ANKRD18B: variants seen among roughly 807,000 people sequenced by gnomAD.
The protein encoded by ANKRD18B is ankyrin repeat domain-containing protein 18B.
ANKRD18B carries 75 observed loss-of-function variants against 111.8 expected under a neutral mutation model. That is an observed-to-expected ratio of 0.67 (90% CI 0.56 to 0.81). ANKRD18B has a LOEUF of 0.81. ANKRD18B is among the 40% of genes least tolerant of loss of function. The pLI is 0.00. For missense variants in ANKRD18B, 1,038 were observed against 1,225.5 expected (o/e 0.85, Z 2.28); for synonymous variants, 356 against 417.3 (o/e 0.85, Z 1.79).
At chr9:33,539,784 A>G (rs1252078064) in intron 7 of ANKRD18B, among the ~76,000 whole-genome samples, 1 of 151,644 alleles carries the variant, frequency 6.6e-6, no homozygotes. Flanking sequence ...TTGGCTGCAA[A>G]TACTGGAAGA....
At chr9:33,531,270 A>G (rs1828112514) in intron 3 of ANKRD18B, among the ~76,000 whole-genome samples, 1 of 152,154 alleles carries the variant, frequency 6.6e-6, no homozygotes, top group Admixed American at 6.5e-5. Flanking sequence ...TTTATTATGT[A>G]TATATCAGGG....
intron 14 of ANKRD18B, among the ~76,000 whole-genome samples, chr9:33,563,008 T>C (rs1686359362): frequency 6.6e-6 from 1 of 152,138 alleles, no homozygotes. Flanking sequence ...TGAGGGGAAA[T>C]TGTAAGGAGA....
In ANKRD18B at chr9:33,534,508, G is replaced by T. The variant is rs1437982983; in HGVS notation, c.740+1G>T. ...ATGCTTTTTGTTGTGATTTGAGAAG[G>T]TATGTGCTTATATTAAAAGACCGGT... On this transcript the variant is annotated splice_donor_variant, in intron 5 of 18. Transcript: ENST00000684830. LOFTEE classifies it high-confidence loss of function. The T allele has an allele frequency of 6.5e-7, 1 of 1,529,018 alleles. No homozygotes were observed. The highest frequency in any genetic ancestry group is 2.5e-5 in the East Asian group (1 of 40,726). The allele number at this position is 1,529,018 out of a possible 1,614,324, so 94.7% of individuals were successfully genotyped here. A position where few individuals can be genotyped will look rare whatever the true frequency, so the allele number is the denominator to read the frequency against.
At chr9:33,528,262 T>C (rs549455381) in intron 1 of ANKRD18B, among the ~76,000 whole-genome samples, 3 of 152,222 alleles carry the variant, frequency 2.0e-5, no homozygotes, top group Admixed American at 6.5e-5. Flanking sequence ...AAATACACCA[T>C]TGCACTCCAG....
rs776386261 is a variant in ANKRD18B at position 33,534,441 on chromosome 9, A to G, written c.674A>G (p.His225Arg). 10 of 1,551,334 alleles carry G rather than the reference A, an allele frequency of 6.4e-6. No homozygotes were observed. The highest frequency in any genetic ancestry group is 3.9e-5 in the Admixed American group (2 of 50,858). The change falls in exon 5 of 19, where the codon CAT becomes CGT. Residue 225 changes from histidine to arginine, a missense_variant. Physicochemically the swap from His to Arg is conservative, Grantham distance 29 (BLOSUM62 0). This residue lies in a region of ANKRD18B where 93 missense variants were observed against 141.3 expected (regional missense o/e 0.66). Transcript: ENST00000684830. The stretch of plus-strand genomic sequence containing the variant: ...ACCCTCCTGCTTCAACAAAATATAC[A>G]TATCTCTTCTCAAGACATGTTTGGC... ...IVTLLLQQNI[H>R]ISSQDMFGQT...
chr9:33,532,851 A>G (rs954692361), intron 3 of ANKRD18B, among the ~76,000 whole-genome samples: 1 of 152,208 alleles, frequency 6.6e-6, no homozygotes, highest in Non-Finnish European at 1.5e-5. Flanking sequence ...AAGTATTGTC[A>G]AACTGAGATT....
chr9:33,549,354 A>C (rs953855615), intron 11 of ANKRD18B, among the ~76,000 whole-genome samples: 6 of 152,152 alleles, frequency 3.9e-5, no homozygotes, highest in African/African-American at 1.4e-4. Context: ...TTGAGTAAAG[A>C]CATTATGTCA....
rs146778441 is a variant in ANKRD18B at position 33,532,182 on chromosome 9, A to C, written c.496-1257A>C. ...TCGGGAGGTGGAGCTTGCAGTGAGC[A>C]GAGATCATGCCACTGCACTCCAGCC... On this transcript the variant is annotated intron_variant, in intron 3 of 18. Transcript: ENST00000684830. Among the ~76,000 whole-genome samples, 3 of 152,002 alleles carry C rather than the reference A, an allele frequency of 2.0e-5. No individual in the cohort carries two copies. The South Asian group carries it at 6.2e-4, about 31-fold the overall frequency.
At chr9:33,555,144 T>C (rs1341845534) in intron 12 of ANKRD18B, among the ~76,000 whole-genome samples, 2 of 152,078 alleles carry the variant, frequency 1.3e-5, no homozygotes, top group African/African-American at 4.8e-5. Context: ...AGACAAAAGT[T>C]ATTATTTGTG....
chr9:33,560,020 A>G (rs539203551), intron 14 of ANKRD18B, among the ~76,000 whole-genome samples: 4 of 152,306 alleles, frequency 2.6e-5, no homozygotes, highest in African/African-American at 7.2e-5. Context: ...TTTGCGTATA[A>G]GCCTCTGAAA....
At chr9:33,550,406 T>C (rs534029243) in intron 11 of ANKRD18B, 24 bp from the exon 12 acceptor site, 244 of 1,519,460 alleles carry the variant, frequency 1.6e-4, no homozygotes, top group Admixed American at 2.1e-4. Flanking sequence ...CTTTATAAAA[T>C]TGGTAACAAA....
chr9:33,541,367 C>G, intron 9 of ANKRD18B, 140 bp downstream of exon 9: 1 of 1,270,526 alleles, frequency 7.9e-7, no homozygotes, highest in Non-Finnish European at 1.1e-6. Flanking sequence ...TTCACCCATC[C>G]ATGATAAAAT....
At chr9:33,573,070 CT>C (rs776277174), downstream of ANKRD18B, 128 of 845,286 alleles carry the variant, frequency 1.5e-4, 1 homozygote, top group Non-Finnish European at 1.9e-4. Context: ...TTCAAGCTGA[CT>C]TTATGTCTTT....
chr9:33,557,797 CAAACA>C (rs1461700905), intron 13 of ANKRD18B, among the ~76,000 whole-genome samples: 3 of 151,026 alleles, frequency 2.0e-5, no homozygotes, highest in Non-Finnish European at 3.0e-5. Context: ...TCAAAAAAAA[CAAACA>C]AAACAAAAAC....
chr9:33,530,862 A>G (rs1043402552), intron 3 of ANKRD18B, among the ~76,000 whole-genome samples: 1 of 152,246 alleles, frequency 6.6e-6, no homozygotes, highest in African/African-American at 2.4e-5. Flanking sequence ...GTAATCTTTC[A>G]ATAAGTAGAG....
At chr9:33,527,780 ACTTAATGTAAGGC>A (rs1312054976) in intron 1 of ANKRD18B, among the ~76,000 whole-genome samples, 1 of 152,228 alleles carries the variant, frequency 6.6e-6, no homozygotes, top group East Asian at 1.9e-4. Context: ...ACAGTATTCT[ACTTAATGTAAGGC>A]CTCATGGATT....
intron 3 of ANKRD18B, among the ~76,000 whole-genome samples, chr9:33,530,638 T>C (rs1360909513): frequency 1.3e-5 from 2 of 151,824 alleles, no homozygotes; most frequent in African/African-American, 4.8e-5. Flanking sequence ...ATAAGAAATC[T>C]CTAAAAGAGT....
chr9:33,566,194 A>C (rs1587277016), intron 14 of ANKRD18B, 25 bp from the exon 15 acceptor site: 14 of 1,527,380 alleles, frequency 9.2e-6, no homozygotes, highest in Non-Finnish European at 1.1e-5. Flanking sequence ...CTTCATTATC[A>C]AGCTCTATTA....
chr9:33,546,509 A>G (rs1258543585), intron 10 of ANKRD18B, among the ~76,000 whole-genome samples: 1 of 152,162 alleles, frequency 6.6e-6, no homozygotes, highest in Admixed American at 6.6e-5. Context: ...ATTTGACTCT[A>G]TAGTAGAAGG....
Sources: allele counts gnomAD v4.1 joint callset (sites outside exome capture counted in the v4.1 genomes callset), GRCh38; gene constraint gnomAD v4.1.1; regional missense constraint gnomAD v4.1.1; transcripts MANE v1.5; gene names NCBI Gene and HGNC (gene_info 2026-07-23, HGNC 2026-07-21).